CCSER1: variants seen among roughly 807,000 people sequenced by gnomAD.
CCSER1 encodes the protein coiled-coil serine rich protein 1.
In CCSER1, 41 loss-of-function variants were observed where a neutral mutation model predicts 82.0. The observed-to-expected ratio is 0.50, with a 90% CI of 0.39 to 0.65. The LOEUF is 0.65. Ranked by LOEUF, CCSER1 falls within the 30% of genes least tolerant of loss-of-function variation. The probability of loss-of-function intolerance (pLI) is 0.00; values close to 1 mark genes in which losing one functional copy is unlikely to be tolerated. For missense variants in CCSER1, 1,119 were observed against 1,064.2 expected (o/e 1.05, Z -0.72); for synonymous variants, 414 against 383.9 (o/e 1.08, Z -0.92).
At chr4:91,118,964 C>A (rs1052624123) in intron 10 of CCSER1, among the ~76,000 whole-genome samples, 1 of 152,130 alleles carries the variant, frequency 6.6e-6, no homozygotes, top group Non-Finnish European at 1.5e-5. Flanking sequence ...CTTTGGGATT[C>A]TCAGTGAATG....
intron 10 of CCSER1, among the ~76,000 whole-genome samples, chr4:91,541,656 T>G (rs2110197572): frequency 6.6e-6 from 1 of 152,318 alleles, no homozygotes; most frequent in South Asian, 2.1e-4. Context: ...GTTCCAAATC[T>G]TTGCTATTGT....
At chr4:91,596,269 C>T (rs891964779) in intron 10 of CCSER1, among the ~76,000 whole-genome samples, 1 of 151,716 alleles carries the variant, frequency 6.6e-6, no homozygotes, top group African/African-American at 2.4e-5. Context: ...ATGAATATTC[C>T]CTCAAAGGTA....
chr4:91,028,428 GT>G (rs1453702610), intron 9 of CCSER1, among the ~76,000 whole-genome samples: 2 of 151,904 alleles, frequency 1.3e-5, no homozygotes, highest in African/African-American at 4.8e-5. Flanking sequence ...GAATTAGCAT[GT>G]TTTACTACTG....
At chr4:90,771,804 T>A (rs1042170923) in intron 7 of CCSER1, among the ~76,000 whole-genome samples, 1 of 152,114 alleles carries the variant, frequency 6.6e-6, no homozygotes, top group African/African-American at 2.4e-5. Flanking sequence ...CAGCTTTGTG[T>A]GGTGTATCCT....
At chr4:90,131,550 C>T (rs1156475018) in intron 1 of CCSER1, among the ~76,000 whole-genome samples, 1 of 152,064 alleles carries the variant, frequency 6.6e-6, no homozygotes, top group Non-Finnish European at 1.5e-5. Context: ...CTATTGAATA[C>T]TCAACATTTT....
intron 3 of CCSER1, among the ~76,000 whole-genome samples, chr4:90,389,211 A>T (rs1015130229): frequency 2.0e-5 from 3 of 152,210 alleles, no homozygotes; most frequent in African/African-American, 7.2e-5. Context: ...TGGGAAATTC[A>T]TACAATTTTC....
intron 4 of CCSER1, among the ~76,000 whole-genome samples, chr4:90,461,053 ATTTTTTTTTTTTTTTTT>A (rs397880822): frequency 2.0e-5 from 1 of 49,714 alleles, no homozygotes; most frequent in East Asian, 5.9e-4. Context: ...TGCCCAGGCT[ATTTTTTTTTTTTTTTTT>A]TTTTTTTTTT....
intron 10 of CCSER1, among the ~76,000 whole-genome samples, chr4:91,335,455 C>G (rs1488003457): frequency 6.6e-6 from 1 of 152,080 alleles, no homozygotes; most frequent in African/African-American, 2.4e-5. Flanking sequence ...CAGGGTTTTA[C>G]TGAGCTTTTT....
intron 8 of CCSER1, among the ~76,000 whole-genome samples, chr4:90,818,596 T>A (rs1580629609): frequency 6.6e-6 from 1 of 152,202 alleles, no homozygotes; most frequent in East Asian, 1.9e-4. Context: ...TTTTTAGTCA[T>A]TTAAATGCAA....
chr4:90,408,725 C>A (rs1211388314), intron 4 of CCSER1, among the ~76,000 whole-genome samples: 1 of 152,200 alleles, frequency 6.6e-6, no homozygotes, highest in Non-Finnish European at 1.5e-5. Flanking sequence ...ATCAGAGCAC[C>A]TCTCCTCCTC....
intron 10 of CCSER1, among the ~76,000 whole-genome samples, chr4:91,092,804 G>A (rs2148829880): frequency 6.6e-6 from 1 of 152,198 alleles, no homozygotes; most frequent in Non-Finnish European, 1.5e-5. Context: ...GAGGGAGTAG[G>A]GGGGCTGTGA....
At chr4:91,126,245 A>G (rs1727506604) in intron 10 of CCSER1, among the ~76,000 whole-genome samples, 1 of 151,920 alleles carries the variant, frequency 6.6e-6, no homozygotes, top group Non-Finnish European at 1.5e-5. Context: ...GTAGGAGGCT[A>G]CTTTTCAATT....
chr4:90,231,854 A>G (rs1378627419), intron 1 of CCSER1, among the ~76,000 whole-genome samples: 8 of 150,412 alleles, frequency 5.3e-5, no homozygotes, highest in African/African-American at 1.7e-4. Flanking sequence ...CCAAATCATG[A>G]GTGAACTCCC....
rs140061422 is a variant in CCSER1, at chr4:91,327,041, C to G, written c.2217+241047C>G. Among the ~76,000 whole-genome samples, 965 of 152,258 alleles carry G rather than the reference C, an allele frequency of 6.3e-3. 12 individuals carry two copies. Among genetic ancestry groups the G allele is most frequent in the African/African-American group, 0.022 (902 of 41,560 alleles). On this transcript the variant is annotated intron_variant, in intron 10 of 10. Transcript: ENST00000509176. ...TGGCATAGAGTGCCTGCAACAGTTC[C>G]AGGCACATGGTACAAGCTGTTGGTG...
rs556175731 is a variant in CCSER1 at position 90,339,514 on chromosome 4, A to G, written c.1509+26467A>G. Among the ~76,000 whole-genome samples the G allele has an allele frequency of 3.9e-5, 6 of 151,990 alleles. No individual in the cohort carries two copies. The South Asian group carries it at 1.2e-3, about 32-fold the overall frequency. On this transcript the variant is annotated intron_variant, in intron 3 of 10. Transcript: ENST00000509176. The stretch of plus-strand genomic sequence containing the variant: ...CATTCCTTGCTTTCGCTCTCCAGTT[A>G]TCTCCTATTATTTTACCTTCCTTTC...
chr4:91,371,771 A>G (rs2149325191), intron 10 of CCSER1, among the ~76,000 whole-genome samples: 1 of 152,326 alleles, frequency 6.6e-6, no homozygotes, highest in East Asian at 1.9e-4. Flanking sequence ...ATCACACATT[A>G]TGCAATATCT....
chr4:91,335,348 C>T (rs959795198), intron 10 of CCSER1, among the ~76,000 whole-genome samples: 1 of 152,034 alleles, frequency 6.6e-6, no homozygotes, highest in Admixed American at 6.6e-5. Context: ...CACATCCAGA[C>T]CTACTTTCTA....
intron 9 of CCSER1, among the ~76,000 whole-genome samples, chr4:90,958,581 C>T (rs1025628093): frequency 6.6e-6 from 1 of 152,006 alleles, no homozygotes; most frequent in African/African-American, 2.4e-5. Flanking sequence ...ATGGCTGCAG[C>T]CCACTTGCTA....
chr4:90,829,725 C>A (rs1384361212), intron 8 of CCSER1, among the ~76,000 whole-genome samples: 3 of 152,092 alleles, frequency 2.0e-5, no homozygotes, highest in Admixed American at 6.6e-5. Flanking sequence ...TGAAGGTCTG[C>A]GAGAGAGTAG....
Sources: allele counts gnomAD v4.1 joint callset (sites outside exome capture counted in the v4.1 genomes callset), GRCh38; gene constraint gnomAD v4.1.1; transcripts MANE v1.5; gene names NCBI Gene and HGNC (gene_info 2026-07-23, HGNC 2026-07-21).